KIF1A: variants seen among roughly 807,000 people sequenced by gnomAD.
The protein encoded by KIF1A is kinesin family member 1A, also known as kinesin-like protein KIF1A.
Under a neutral mutation model 227.3 loss-of-function variants are expected in KIF1A, and 46 were observed. That is an observed-to-expected ratio of 0.20 (90% CI 0.16 to 0.26). KIF1A has a LOEUF of 0.26. Among genes scored for constraint, KIF1A ranks in the 10% least tolerant of loss-of-function variants. The probability of loss-of-function intolerance (pLI) is 1.00; values close to 1 mark genes in which losing one functional copy is unlikely to be tolerated. For missense variants in KIF1A, 1,683 were observed against 2,485.9 expected, an observed-to-expected ratio of 0.68 and a Z score of 6.87; for synonymous variants, 1,022 against 1,012.8, an observed-to-expected ratio of 1.01 and a Z score of -0.17.
At chr2:240,772,423 G>A (rs1289688214) in intron 14 of KIF1A, 147 bp downstream of exon 14, 5 of 667,454 alleles carry the variant, frequency 7.5e-6, no homozygotes, top group Non-Finnish European at 8.0e-6. Context: ...GTGGCTGAGG[G>A]AGAGCAGTGC....
chr2:240,763,523 C>A (rs567175391), intron 20 of KIF1A, among the ~76,000 whole-genome samples, 177 bp from the exon 21 acceptor site: 8 of 152,202 alleles, frequency 5.3e-5, no homozygotes, highest in Non-Finnish European at 8.8e-5. Context: ...TCACTCTCCC[C>A]ATAAATCCAC....
intron 46 of KIF1A, among the ~76,000 whole-genome samples, 167 bp from the exon 47 acceptor site, chr2:240,719,365 G>A (rs192844774): frequency 6.6e-6 from 1 of 152,196 alleles, no homozygotes; most frequent in Admixed American, 6.5e-5. Context: ...CAACCCAGCA[G>A]GCCGGAGACC....
rs369835159 is a variant in KIF1A, at chr2:240,725,415, C to G, written c.4123-11G>C. 3.7e-6 allele frequency: 6 copies of G among 1,611,514 alleles called. No individual in the cohort carries two copies. Among genetic ancestry groups the G allele is most frequent in the Non-Finnish European group, 5.1e-6 (6 of 1,179,462 alleles). ...GGTGCAGTTCTCCATCTGAGATAGG[C>G]GGGAGCAGGACTCAGGCACAAGGAC... On this transcript the variant is annotated splice_polypyrimidine_tract_variant and intron_variant, in intron 39 of 48. Transcript: ENST00000498729. This position sits in a 1 kb window ranked among gnomAD's most constrained non-coding sequence, Gnocchi z 5.8.
intron 17 of KIF1A, among the ~76,000 whole-genome samples, chr2:240,768,729 C>G (rs1344011471): frequency 1.3e-5 from 2 of 152,210 alleles, no homozygotes; most frequent in Non-Finnish European, 2.9e-5. Context: ...CTGGAACAGT[C>G]AGACCTGACT....
intron 11 of KIF1A, among the ~76,000 whole-genome samples, chr2:240,774,724 GC>G (rs895367217): frequency 6.6e-6 from 1 of 152,174 alleles, no homozygotes; most frequent in African/African-American, 2.4e-5. Context: ...ATCAGGTAAT[GC>G]GTGGCATGAG....
Position 240,767,375 on chromosome 2 carries a change from T to C in KIF1A, c.1498-30A>G. ...AGGGAGACAGGAGGATCATCTCTCT[T>C]GCAGAGGGGCAGGAGCCTGATGCTG... On this transcript the variant is annotated intron_variant, in intron 17 of 48. Transcript: ENST00000498729. The C allele has an allele frequency of 3.2e-6, 5 of 1,583,120 alleles. 1 individual carries two copies. The highest frequency in any genetic ancestry group is 4.3e-6 in the Non-Finnish European group (5 of 1,153,052).
At chr2:240,791,362 G>A (rs536345833) in intron 2 of KIF1A, among the ~76,000 whole-genome samples, 6 of 152,190 alleles carry the variant, frequency 3.9e-5, no homozygotes, top group African/African-American at 1.4e-4. Flanking sequence ...GCTCAAGCCA[G>A]CAACACCCAC....
chr2:240,745,033 T>C (rs572383960), intron 32 of KIF1A, among the ~76,000 whole-genome samples: 1 of 152,180 alleles, frequency 6.6e-6, no homozygotes, highest in South Asian at 2.1e-4. Flanking sequence ...TTTCCAGACC[T>C]CTCGGGACGT....
intron 6 of KIF1A, among the ~76,000 whole-genome samples, chr2:240,785,401 G>T (rs1575629404): frequency 6.6e-6 from 1 of 152,238 alleles, no homozygotes; most frequent in East Asian, 1.9e-4. Flanking sequence ...AGCTGGGCAG[G>T]AGCCCTCCAG....
intron 1 of KIF1A, among the ~76,000 whole-genome samples, chr2:240,800,410 G>A (rs1353998626): frequency 6.6e-6 from 1 of 152,124 alleles, no homozygotes; most frequent in African/African-American, 2.4e-5. Context: ...ACGCCGCACT[G>A]TGTGTGAAGG....
At chr2:240,774,131 T>C (rs1320599390) in intron 12 of KIF1A, 52 bp downstream of exon 12, 10 of 1,198,004 alleles carry the variant, frequency 8.3e-6, no homozygotes, top group Non-Finnish European at 1.2e-5. Context: ...AGAGGATCCA[T>C]CCCCCAAGAC....
intron 38 of KIF1A, chr2:240,728,454 A>G (rs1414980741): frequency 7.9e-7 from 1 of 1,264,984 alleles, no homozygotes; most frequent in Admixed American, 2.3e-5. Context: ...ACACATACAG[A>G]AGAAATGGAG....
Position 240,740,017 on chromosome 2 carries a change from C to T in KIF1A, c.3901+41G>A. On this transcript the variant is annotated intron_variant, in intron 37 of 48. Transcript: ENST00000498729. The surrounding 1 kb of genome is among the most constrained non-coding windows in gnomAD (Gnocchi z 6.1). ...TCAGGGCCTGTACTCTTCCCACCAGCTCAGCCCCACCCACCAAGGCAGCCC... is the reference window on the plus strand; with the variant it reads ...TCAGGGCCTGTACTCTTCCCACCAGTTCAGCCCCACCCACCAAGGCAGCCC... The T allele has an allele frequency of 6.6e-7, 1 of 1,505,132 alleles. No individual in the cohort carries two copies. Among genetic ancestry groups the T allele is most frequent in the Non-Finnish European group, 9.1e-7 (1 of 1,103,398 alleles). 93.2% of individuals were successfully genotyped at this position (1,505,132 alleles called of 1,614,324 possible). A position where few individuals can be genotyped will look rare whatever the true frequency, so the allele number is the denominator to read the frequency against.
chr2:240,812,368 C>T (rs761916712), intron 1 of KIF1A, among the ~76,000 whole-genome samples: 8 of 152,206 alleles, frequency 5.3e-5, no homozygotes, highest in Non-Finnish European at 8.8e-5. Flanking sequence ...CTGGCACAGG[C>T]ACTCCCTGCC....
chr2:240,721,718 C>G (rs2045411655), intron 44 of KIF1A, 89 bp downstream of exon 44: 2 of 1,068,538 alleles, frequency 1.9e-6, no homozygotes, highest in African/African-American at 3.1e-5. Flanking sequence ...CTGCCTTTTC[C>G]CACTTGGAAT....
chr2:240,789,418 A>T lies in KIF1A; in HGVS notation c.107-106T>A. The T allele has an allele frequency of 3.3e-6, 3 of 906,282 alleles. No homozygotes were observed. Among genetic ancestry groups the T allele is most frequent in the South Asian group, 2.9e-5 (2 of 68,978 alleles). The allele number at this position is 906,282 out of a possible 1,614,324, so 56.1% of individuals were successfully genotyped here. A position where few individuals can be genotyped will look rare whatever the true frequency, so the allele number is the denominator to read the frequency against. On this transcript the variant is annotated intron_variant, in intron 2 of 48. Transcript: ENST00000498729. The surrounding 1 kb of genome is among the most constrained non-coding windows in gnomAD (Gnocchi z 4.8). Reference sequence around the variant, plus strand: ...ATGGTCTTAAGAGGCCTCGGGCCCCAGACAAGCCAGGCCCCCAAATTGGAG... The same window carrying T: ...ATGGTCTTAAGAGGCCTCGGGCCCCTGACAAGCCAGGCCCCCAAATTGGAG...
At position 240,798,729 on chromosome 2, in the gene KIF1A, C is replaced by T. The variant is rs182407663; in HGVS notation, c.-60-917G>A. 2.6e-5 allele frequency among the ~76,000 whole-genome samples: 4 copies of T among 152,318 alleles called. No individual in the cohort carries two copies. The East Asian group carries it at 5.8e-4, about 22-fold the overall frequency. The stretch of plus-strand genomic sequence containing the variant: ...GACCAGCCAGATGCTGCTGCTTCCC[C>T]GTGGGACTTGCGGCCTGAACGATGG... On this transcript the variant is annotated intron_variant, in intron 1 of 48. Transcript: ENST00000498729.
At chr2:240,735,538 C>G (rs1206460979) in intron 38 of KIF1A, among the ~76,000 whole-genome samples, 1 of 152,134 alleles carries the variant, frequency 6.6e-6, no homozygotes, top group African/African-American at 2.4e-5. Flanking sequence ...TGAGGGGGGT[C>G]AGAGGTCAGG....
chr2:240,813,866 G>A (rs1006838711), intron 1 of KIF1A, among the ~76,000 whole-genome samples: 4 of 152,204 alleles, frequency 2.6e-5, no homozygotes, highest in Admixed American at 1.3e-4. Flanking sequence ...GCAAAGCATG[G>A]AACAGACGCG....
Sources: gnomAD v4.1 joint callset for allele counts (sites outside exome capture counted in the v4.1 genomes callset) on GRCh38, gnomAD v4.1.1 for gene constraint, Gnocchi (gnomAD v3.1) non-coding constraint, MANE v1.5 for transcripts, NCBI Gene and HGNC (gene_info 2026-07-23, HGNC 2026-07-21) for gene names.